The following NUFIP1 variants were observed in gnomAD, a reference collection of about 807,000 sequenced individuals.
The protein encoded by NUFIP1 is nuclear FMR1 interacting protein 1, also known as FMR1-interacting protein NUFIP1.
In NUFIP1, 38 loss-of-function variants were observed where a neutral mutation model predicts 56.2. The observed-to-expected ratio is 0.68, with a 90% CI of 0.52 to 0.89. NUFIP1 has a LOEUF of 0.89. Among genes scored for constraint, NUFIP1 ranks in the 40% least tolerant of loss-of-function variants. The pLI is 0.00. For missense variants in NUFIP1, 567 were observed against 605.8 expected (o/e 0.94, Z 0.67); for synonymous variants, 215 against 212.4 (o/e 1.01, Z -0.10).
chr13:44,986,605 C>T (rs535554085), intron 1 of NUFIP1, among the ~76,000 whole-genome samples: 75 of 150,154 alleles, frequency 5.0e-4, no homozygotes, highest in Non-Finnish European at 7.8e-4. Context: ...GGCAGGAGAA[C>T]GGCGTGAACC....
chr13:44,984,611 T>C (rs1220840571), intron 1 of NUFIP1, among the ~76,000 whole-genome samples: 1 of 152,128 alleles, frequency 6.6e-6, no homozygotes, highest in Non-Finnish European at 1.5e-5. Context: ...CACTGTACTC[T>C]AGCCTGGGTG....
intron 6 of NUFIP1, among the ~76,000 whole-genome samples, chr13:44,965,068 ATG>A (rs990270105): frequency 1.2e-4 from 18 of 146,834 alleles, no homozygotes; most frequent in African/African-American, 3.6e-4. Flanking sequence ...ACAATCCCAC[ATG>A]TCATGGGAGG....
chr13:44,981,229 C>A (rs1269910834), intron 2 of NUFIP1, among the ~76,000 whole-genome samples: 1 of 151,688 alleles, frequency 6.6e-6, no homozygotes, highest in African/African-American at 2.4e-5. Context: ...CAAGGGTCCA[C>A]TTATAAAAGG....
chr13:44,971,774 C>G (rs187762445), intron 5 of NUFIP1, among the ~76,000 whole-genome samples: 95 of 152,338 alleles, frequency 6.2e-4, no homozygotes, highest in African/African-American at 2.0e-3. Flanking sequence ...TCTCTTCTTT[C>G]TGCCTATTCT....
intron 5 of NUFIP1, among the ~76,000 whole-genome samples, chr13:44,968,733 A>G (rs1165732628): frequency 6.6e-6 from 1 of 152,242 alleles, no homozygotes; most frequent in Admixed American, 6.5e-5. Flanking sequence ...TTTGCAGAGT[A>G]TTGCAGACTC....
intron 8 of NUFIP1, among the ~76,000 whole-genome samples, chr13:44,944,058 A>T (rs1464679666): frequency 6.6e-6 from 1 of 152,196 alleles, no homozygotes; most frequent in Non-Finnish European, 1.5e-5. Context: ...TATTAAGTGT[A>T]TGTGCAATTT....
chr13:44,989,369 G>C lies in NUFIP1; in HGVS notation c.68C>G (p.Thr23Arg). Reference protein sequence around the residue: ...GWHASPELTPTLGPLSDTAPP... With the variant: ...GWHASPELTPRLGPLSDTAPP... ...GGCAGTGTCGCTCAGGGGCCCTAAC[G>C]TGGGAGTCAGCTCGGGAGACGCATG... is the stretch of plus-strand genomic sequence containing the variant. The change falls in exon 1 of 10, where the codon ACG becomes AGG. Residue 23 changes from threonine to arginine, a missense_variant. By Grantham distance (71) the Thr-to-Arg change is moderately conservative. Transcript: ENST00000379161. The C allele has an allele frequency of 6.2e-7, 1 of 1,613,504 alleles. No individual in the cohort carries two copies. Among genetic ancestry groups the C allele is most frequent in the South Asian group, 1.1e-5 (1 of 90,958 alleles).
intron 5 of NUFIP1, among the ~76,000 whole-genome samples, chr13:44,968,624 A>AT (rs1871698280): frequency 6.6e-6 from 1 of 152,166 alleles, no homozygotes; most frequent in Non-Finnish European, 1.5e-5. Context: ...AACAGTAATG[A>AT]TTTTTACAGG....
At chr13:44,983,568 G>A (rs913889102) in intron 1 of NUFIP1, among the ~76,000 whole-genome samples, 4 of 152,060 alleles carry the variant, frequency 2.6e-5, no homozygotes, top group East Asian at 3.9e-4. Context: ...AGGCCAAGGC[G>A]GGCAGACCAC....
chr13:44,981,960 C>T (rs1243799517), intron 2 of NUFIP1, 112 bp downstream of exon 2: 3 of 223,792 alleles, frequency 1.3e-5, no homozygotes, highest in African/African-American at 4.9e-5. Context: ...AGCAAGGCTC[C>T]ACTGTGTCAA....
chr13:44,988,978 C>CG (rs1407814216), intron 1 of NUFIP1, 47 bp downstream of exon 1: 2 of 1,589,864 alleles, frequency 1.3e-6, no homozygotes, highest in East Asian at 2.2e-5. Flanking sequence ...GAGGAAAGAA[C>CG]GGGGGAAAAA....
At chr13:44,975,557 C>T (rs927378374) in intron 5 of NUFIP1, among the ~76,000 whole-genome samples, 4 of 152,208 alleles carry the variant, frequency 2.6e-5, no homozygotes, top group African/African-American at 7.2e-5. Flanking sequence ...ATCCCCACAA[C>T]TGCCATCTTT....
At chr13:44,962,542 T>C (rs1181856280) in intron 6 of NUFIP1, among the ~76,000 whole-genome samples, 1 of 152,236 alleles carries the variant, frequency 6.6e-6, no homozygotes, top group East Asian at 1.9e-4. Flanking sequence ...TATATGACAG[T>C]AGTCCTATAA....
chr13:44,978,249 C>G (rs1872057447), intron 5 of NUFIP1, among the ~76,000 whole-genome samples: 1 of 152,206 alleles, frequency 6.6e-6, no homozygotes, highest in Non-Finnish European at 1.5e-5. Flanking sequence ...ACATCTGGCA[C>G]ATCACCACCC....
rs759060874 is a variant in NUFIP1 at position 44,949,751 on chromosome 13, C to A, written c.1109G>T (p.Ser370Ile). ...TGGCTCACTCTCTGACCCTGAAAGA[C>A]TGCCATAGCTACTCATTAGTGAGCA... ...ALCSLMSSYG[S>I]LSGSESEPEE... Residue 370 changes from serine (S) to isoleucine (I), a missense_variant, in exon 8 of 10, where the codon AGT becomes ATT. Physicochemically the swap from Ser to Ile is moderately radical, Grantham distance 142. Transcript: ENST00000379161. 1 of 1,611,994 alleles carries A rather than the reference C, an allele frequency of 6.2e-7. No individual in the cohort carries two copies. The highest frequency in any genetic ancestry group is 8.5e-7 in the Non-Finnish European group (1 of 1,179,174).
At position 44,941,292 on chromosome 13, in the gene NUFIP1, T is replaced by C. The variant is rs1302685859; in HGVS notation, c.1402A>G (p.Asn468Asp). The change falls in exon 10 of 10, where the codon AAT (asparagine) becomes GAT (aspartate). Residue 468 changes from asparagine (N) to aspartate (D), a missense_variant. Transcript: ENST00000379161. ...LLAPDIRHER[N>D]VILQCVRYII... is the part of the protein sequence containing the mutation. ...TACCGAACACACTGCAAAATCACAT[T>C]TCTTTCATGTCGAATGTCCGGAGCT... is the stretch of plus-strand genomic sequence containing the variant. 11 of 1,610,258 alleles carry C rather than the reference T, an allele frequency of 6.8e-6. No homozygotes were observed. The highest frequency in any genetic ancestry group is 9.3e-6 in the Non-Finnish European group (11 of 1,178,884).
chr13:44,980,964 A>G, intron 2 of NUFIP1, 144 bp from the exon 3 acceptor site: 2 of 558,920 alleles, frequency 3.6e-6, no homozygotes, highest in Non-Finnish European at 6.2e-6. Context: ...TATATTTCCA[A>G]TGAAGAGATT....
intron 8 of NUFIP1, among the ~76,000 whole-genome samples, chr13:44,944,766 C>A (rs961177813): frequency 1.3e-5 from 2 of 151,808 alleles, no homozygotes; most frequent in Non-Finnish European, 2.9e-5. Context: ...CTAGAAAACC[C>A]CCAAATATTT....
chr13:44,947,085 A>G (rs1181645708), intron 8 of NUFIP1, among the ~76,000 whole-genome samples: 1 of 152,224 alleles, frequency 6.6e-6, no homozygotes, highest in Non-Finnish European at 1.5e-5. Flanking sequence ...TCTATAAAAG[A>G]AAAGTCTACG....
Sources: allele counts gnomAD v4.1 joint callset (sites outside exome capture counted in the v4.1 genomes callset), GRCh38; gene constraint gnomAD v4.1.1; transcripts MANE v1.5; gene names NCBI Gene and HGNC (gene_info 2026-07-23, HGNC 2026-07-21).